Variants in PLD5 observed in about 807,000 individuals in gnomAD.
PLD5 encodes the protein inactive phospholipase D5.
In PLD5, 36 loss-of-function variants were observed where a neutral mutation model predicts 61.1. That is an observed-to-expected ratio of 0.59 (90% CI 0.45 to 0.78). The LOEUF (loss-of-function observed/expected upper bound fraction) is 0.78, where lower values mean the gene tolerates loss of function less well. PLD5 is among the 30% of genes least tolerant of loss of function. PLD5 has a pLI of 0.00. For synonymous variants in PLD5, 243 were observed against 242.8 expected (o/e 1.00, Z -0.01); for missense variants, 515 against 644.4 (o/e 0.80, Z 2.17).
chr1:242,445,219 T>A (rs536822855), intron 1 of PLD5, among the ~76,000 whole-genome samples: 1 of 152,316 alleles, frequency 6.6e-6, no homozygotes, highest in East Asian at 1.9e-4. Flanking sequence ...CTCATTCTAC[T>A]GTGTGAACAC....
intron 5 of PLD5, among the ~76,000 whole-genome samples, chr1:242,204,445 C>T (rs902517713): frequency 2.6e-5 from 4 of 152,114 alleles, no homozygotes; most frequent in Non-Finnish European, 4.4e-5. Flanking sequence ...GTAACCAAGG[C>T]GTTGCTGCCC....
At chr1:242,102,932 C>T (rs1205110270) in intron 8 of PLD5, among the ~76,000 whole-genome samples, 1 of 152,138 alleles carries the variant, frequency 6.6e-6, no homozygotes, top group Non-Finnish European at 1.5e-5. Flanking sequence ...ATGATGGATG[C>T]TACTTTCCTT....
At chr1:242,264,749 C>T (rs1673560905) in intron 4 of PLD5, among the ~76,000 whole-genome samples, 1 of 152,018 alleles carries the variant, frequency 6.6e-6, no homozygotes, top group Admixed American at 6.6e-5. Flanking sequence ...ACAGTAAAAA[C>T]TATTTGGATG....
chr1:242,147,623 C>T (rs1664630407), intron 5 of PLD5: 1 of 152,172 alleles, frequency 6.6e-6, no homozygotes, highest in Non-Finnish European at 1.5e-5. Flanking sequence ...TTTCCATTTC[C>T]ACCAGCAGGT....
chr1:242,340,675 T>C (rs1264046873), intron 2 of PLD5, among the ~76,000 whole-genome samples: 1 of 152,174 alleles, frequency 6.6e-6, no homozygotes, highest in Admixed American at 6.5e-5. Context: ...CCAATACTTG[T>C]CTGCAATATA....
intron 3 of PLD5, among the ~76,000 whole-genome samples, chr1:242,281,376 G>C (rs548756141): frequency 6.6e-6 from 1 of 152,186 alleles, no homozygotes; most frequent in East Asian, 1.9e-4. Flanking sequence ...AATCACAATG[G>C]CAGGGTCACA....
intron 1 of PLD5, among the ~76,000 whole-genome samples, chr1:242,501,153 C>A (rs1040698889): frequency 6.6e-6 from 1 of 152,160 alleles, no homozygotes; most frequent in Non-Finnish European, 1.5e-5. Context: ...CTCACTAGCA[C>A]TGAACTGAGC....
chr1:242,525,952 G>A (rs1038212952), upstream of PLD5, among the ~76,000 whole-genome samples: 1 of 152,130 alleles, frequency 6.6e-6, no homozygotes, highest in Non-Finnish European at 1.5e-5. Flanking sequence ...GTTTTCTTAG[G>A]AGCTGAACTA....
chr1:242,524,243 A>T lies in PLD5; in HGVS notation c.34T>A (p.Ser12Thr). 1.3e-6 allele frequency: 2 copies of T among 1,505,736 alleles called. No individual in the cohort carries two copies. The highest frequency in any genetic ancestry group is 1.4e-5 in the African/African-American group (1 of 70,144). 93.3% of individuals were successfully genotyped at this position (1,505,736 alleles called of 1,614,324 possible). Residue 12 changes from serine to threonine, a missense_variant, in exon 1 of 10, where the codon TCC becomes ACC. Ser to Thr is a moderately conservative substitution (Grantham distance 58). Coordinates refer to ENST00000536534, the MANE Select transcript of PLD5 (RefSeq NM_001372062.1). ...ATCTGCTCGAAGCCCTCATGGGGGG[A>T]GGCCGAGAGCCACTCGTGCTGCCGG... ...EIRQHEWLSASPHEGFEQMRL... is the reference protein window; with the variant it reads ...EIRQHEWLSATPHEGFEQMRL...
chr1:242,268,957 C>T (rs1168448414), intron 3 of PLD5, among the ~76,000 whole-genome samples: 7 of 152,102 alleles, frequency 4.6e-5, no homozygotes, highest in Non-Finnish European at 1.0e-4. Context: ...ATTCTCCTGC[C>T]TCAGCTTCCC....
At chr1:242,176,824 A>C (rs1667179921) in intron 5 of PLD5, among the ~76,000 whole-genome samples, 1 of 152,232 alleles carries the variant, frequency 6.6e-6, no homozygotes, top group Non-Finnish European at 1.5e-5. Flanking sequence ...CATATGAAAA[A>C]AGTTTATCAT....
chr1:242,290,827 G>A (rs3863739), intron 2 of PLD5, among the ~76,000 whole-genome samples: 142,566 of 151,052 alleles, frequency 0.94, 67,641 homozygotes, highest in Non-Finnish European at 0.99. Context: ...ACCCCCTCCA[G>A]TGGTCTCCTC....
chr1:242,144,057 A>G (rs1025921032), intron 5 of PLD5, among the ~76,000 whole-genome samples: 22 of 151,884 alleles, frequency 1.4e-4, no homozygotes, highest in Admixed American at 1.4e-3. Context: ...TTTAGTAGAG[A>G]TGGAGTTTTG....
chr1:242,204,858 G>A (rs1392402013), intron 5 of PLD5, among the ~76,000 whole-genome samples: 1 of 152,120 alleles, frequency 6.6e-6, no homozygotes, highest in Non-Finnish European at 1.5e-5. Context: ...ATGTTATACT[G>A]CCAAACAAAG....
intron 1 of PLD5, among the ~76,000 whole-genome samples, chr1:242,382,514 G>A (rs1662357549): frequency 6.6e-6 from 1 of 152,142 alleles, no homozygotes; most frequent in Non-Finnish European, 1.5e-5. Context: ...TCAAGCAGGA[G>A]GGAACATTTA....
At chr1:242,348,947 T>C (rs531616931) in intron 1 of PLD5, among the ~76,000 whole-genome samples, 8 of 151,950 alleles carry the variant, frequency 5.3e-5, no homozygotes, top group African/African-American at 1.9e-4. Flanking sequence ...CCAGCTACTC[T>C]GGAGGCTGAG....
chr1:242,336,361 T>C lies in PLD5; in HGVS notation c.326+11745A>G, dbSNP rs372319857. Among the ~76,000 whole-genome samples, 558 of 152,312 alleles carry C rather than the reference T, an allele frequency of 3.7e-3. 1 individual carries two copies. The highest frequency in any genetic ancestry group is 6.1e-3 in the Non-Finnish European group (414 of 68,012). On this transcript the variant is annotated intron_variant, in intron 2 of 9. Coordinates refer to ENST00000536534, the MANE Select transcript of PLD5 (RefSeq NM_001372062.1). ...GTTCCAGGATCGATAAAGATCTCCATTGTGGCACTGGTCATTACGCTAACA... is the reference window on the plus strand; with the variant it reads ...GTTCCAGGATCGATAAAGATCTCCACTGTGGCACTGGTCATTACGCTAACA...
At chr1:242,293,589 C>T (rs1394903698) in intron 2 of PLD5, among the ~76,000 whole-genome samples, 1 of 152,130 alleles carries the variant, frequency 6.6e-6, no homozygotes, top group Non-Finnish European at 1.5e-5. Context: ...TTCCCACGCC[C>T]ACTGGGGGTC....
rs534543526 is a variant in PLD5, at chr1:242,429,314, G to A, written c.190-81072C>T. 3.9e-5 allele frequency among the ~76,000 whole-genome samples: 6 copies of A among 152,270 alleles called. No individual in the cohort carries two copies. The South Asian group carries it at 6.2e-4, about 16-fold the overall frequency. Reference sequence around the variant, plus strand: ...TCAGGAGCAAGAATGCAAGCTTACCGGGAATAATTTAAACCACAAGAAAGC... The same window carrying A: ...TCAGGAGCAAGAATGCAAGCTTACCAGGAATAATTTAAACCACAAGAAAGC... On this transcript the variant is annotated intron_variant, in intron 1 of 9. Coordinates refer to ENST00000536534, the MANE Select transcript of PLD5 (RefSeq NM_001372062.1).
Sources: gnomAD v4.1 joint callset for allele counts (sites outside exome capture counted in the v4.1 genomes callset) on GRCh38, gnomAD v4.1.1 for gene constraint, MANE v1.5 for transcripts, NCBI Gene and HGNC (gene_info 2026-07-23, HGNC 2026-07-21) for gene names.